The following ZFPM2 variants were observed in gnomAD, a reference collection of about 807,000 sequenced individuals.
The protein encoded by ZFPM2 is zinc finger protein, FOG family member 2, also known as zinc finger protein ZFPM2.
ZFPM2 carries 20 observed loss-of-function variants against 98.6 expected under a neutral mutation model. That is an observed-to-expected ratio of 0.20 (90% CI 0.14 to 0.29). The LOEUF (loss-of-function observed/expected upper bound fraction) is 0.29. Among genes scored for constraint, ZFPM2 ranks in the 10% least tolerant of loss-of-function variants. The pLI, the probability that ZFPM2 is intolerant of heterozygous loss-of-function variation, is 1.00. For synonymous variants in ZFPM2, 518 were observed against 502.7 expected, an observed-to-expected ratio of 1.03 and a Z score of -0.41; for missense variants, 1,310 against 1,388.6, an observed-to-expected ratio of 0.94 and a Z score of 0.90.
intron 1 of ZFPM2, among the ~76,000 whole-genome samples, chr8:105,347,191 A>G (rs1320103167): frequency 6.7e-6 from 1 of 148,386 alleles, no homozygotes; most frequent in Non-Finnish European, 1.5e-5. Context: ...GGCACTTTTT[A>G]TATACTTTTC....
At chr8:105,581,106 G>A (rs899613054) in intron 4 of ZFPM2, among the ~76,000 whole-genome samples, 29 of 151,846 alleles carry the variant, frequency 1.9e-4, no homozygotes, top group African/African-American at 6.8e-4. Context: ...ATCTCAGTAA[G>A]TAGCAATGGA....
In ZFPM2 at chr8:105,801,568, C is replaced by G; in HGVS notation, c.1486C>G (p.Pro496Ala). 3 of 1,613,816 alleles carry G rather than the reference C, an allele frequency of 1.9e-6. No homozygotes were observed. The highest frequency in any genetic ancestry group is 2.5e-6 in the Non-Finnish European group (3 of 1,179,834). ...PNIGPSFPVG[P>A]FLSQFSFPQD... ...TATTGGGCCTTCTTTCCCTGTGGGCCCTTTCCTATCTCAGTTTTCTTTCCC... is the reference window on the plus strand; with the variant it reads ...TATTGGGCCTTCTTTCCCTGTGGGCGCTTTCCTATCTCAGTTTTCTTTCCC... Residue 496 changes from proline to alanine, a missense_variant, in exon 8 of 8, where the codon CCT becomes GCT. Transcript: ENST00000407775.
intron 4 of ZFPM2, among the ~76,000 whole-genome samples, chr8:105,565,028 C>T (rs907178103): frequency 3.3e-5 from 5 of 152,100 alleles, no homozygotes; most frequent in Non-Finnish European, 5.9e-5. Context: ...ATTGCTTATT[C>T]GCCAACTGAT....
intron 5 of ZFPM2, among the ~76,000 whole-genome samples, chr8:105,757,884 A>G (rs890744890): frequency 1.6e-4 from 25 of 152,172 alleles, no homozygotes; most frequent in African/African-American, 5.3e-4. Context: ...CACTTTCCTC[A>G]TTGTTCAAAT....
chr8:105,686,335 G>C (rs200332230), intron 5 of ZFPM2, among the ~76,000 whole-genome samples: 1 of 151,548 alleles, frequency 6.6e-6, no homozygotes, highest in East Asian at 1.9e-4. Flanking sequence ...TTTTAATATC[G>C]TAATTTCCTT....
rs1420579507 is a variant in ZFPM2 at position 105,691,349 on chromosome 8, C to T, written c.532+56992C>T. Among the ~76,000 whole-genome samples the T allele has an allele frequency of 7.1e-5, 10 of 140,736 alleles. 2 individuals carry two copies. The highest frequency in any genetic ancestry group is 1.1e-4 in the Non-Finnish European group (7 of 65,452). The allele number at this position is 140,736 out of a possible 152,430, so 92.3% of individuals were successfully genotyped here. A position where few individuals can be genotyped will look rare whatever the true frequency, so the allele number is the denominator to read the frequency against. On this transcript the variant is annotated intron_variant, in intron 5 of 7. Coordinates refer to ENST00000407775, the MANE Select transcript of ZFPM2 (RefSeq NM_012082.4). ...CTGCAAGCTCCGCTTCCCGGGTTCA[C>T]GCCATTCTCCTGCCTCAGCCTCCCG...
intron 3 of ZFPM2, among the ~76,000 whole-genome samples, chr8:105,450,563 A>C (rs1812464751): frequency 6.6e-6 from 1 of 152,088 alleles, no homozygotes; most frequent in Admixed American, 6.6e-5. Context: ...GTTATCATTA[A>C]TTTTCACATT....
At chr8:105,471,382 G>T (rs1812900252) in intron 3 of ZFPM2, among the ~76,000 whole-genome samples, 2 of 152,180 alleles carry the variant, frequency 1.3e-5, no homozygotes, top group Non-Finnish European at 2.9e-5. Context: ...TGTCATGGTT[G>T]ACACTATTTC....
Position 105,421,678 on chromosome 8 carries a change from T to C in ZFPM2, c.199+2376T>C, listed in dbSNP as rs187965074. On this transcript the variant is annotated intron_variant, in intron 2 of 7. Transcript: ENST00000407775. The stretch of plus-strand genomic sequence containing the variant: ...CTGGAAAATTAGAAACTAATCTTTC[T>C]GTTGAAATTCTCAATTTTTCTCAGT... 6.6e-4 allele frequency among the ~76,000 whole-genome samples: 100 copies of C among 152,310 alleles called. 1 individual carries two copies. The East Asian group carries it at 0.018, about 27-fold the overall frequency.
chr8:105,320,191 A>G (rs1176797381), intron 1 of ZFPM2, among the ~76,000 whole-genome samples: 1 of 151,200 alleles, frequency 6.6e-6, no homozygotes, highest in African/African-American at 2.4e-5. Context: ...AATCTTATCA[A>G]TCAACTTGTC....
At chr8:105,603,282 A>C (rs1816130507) in intron 4 of ZFPM2, among the ~76,000 whole-genome samples, 1 of 152,092 alleles carries the variant, frequency 6.6e-6, no homozygotes, top group Non-Finnish European at 1.5e-5. Context: ...ATATAGGGAT[A>C]CTCAAATGTT....
At chr8:105,625,212 T>C (rs901775055) in intron 4 of ZFPM2, among the ~76,000 whole-genome samples, 12 of 152,214 alleles carry the variant, frequency 7.9e-5, no homozygotes, top group Admixed American at 5.9e-4. Context: ...CTTAATATCA[T>C]TGAGCTTCAG....
At chr8:105,775,406 G>T (rs1005837797) in intron 5 of ZFPM2, among the ~76,000 whole-genome samples, 1 of 152,024 alleles carries the variant, frequency 6.6e-6, no homozygotes, top group African/African-American at 2.4e-5. Flanking sequence ...CGTAATGAAA[G>T]TGTGGAATGC....
intron 4 of ZFPM2, among the ~76,000 whole-genome samples, chr8:105,607,727 C>CTT (rs1710829258): frequency 2.0e-5 from 3 of 152,096 alleles, no homozygotes; most frequent in African/African-American, 7.2e-5. Context: ...TGTTCACTCT[C>CTT]CTGTGTGTTC....
At chr8:105,707,920 G>T (rs760020867) in intron 5 of ZFPM2, among the ~76,000 whole-genome samples, 3 of 152,148 alleles carry the variant, frequency 2.0e-5, no homozygotes, top group African/African-American at 7.2e-5. Context: ...CTTTTTGAAA[G>T]AATAATCCCT....
chr8:105,798,633 A>G, intron 6 of ZFPM2, 91 bp from the exon 7 acceptor site: 1 of 1,065,442 alleles, frequency 9.4e-7, no homozygotes, highest in East Asian at 2.6e-5. Flanking sequence ...CTGAGAGCGG[A>G]GTCTGAGAAA....
chr8:105,645,674 G>T, intron 5 of ZFPM2, among the ~76,000 whole-genome samples: 1 of 152,114 alleles, frequency 6.6e-6, no homozygotes, highest in East Asian at 1.9e-4. Flanking sequence ...GCCAAAAACA[G>T]ATACTTTGAG....
chr8:105,481,661 C>T (rs1813119875), intron 3 of ZFPM2, among the ~76,000 whole-genome samples: 1 of 152,120 alleles, frequency 6.6e-6, no homozygotes, highest in Non-Finnish European at 1.5e-5. Context: ...AGTTGAGCAA[C>T]CACCAATGGG....
At chr8:105,464,340 A>C (rs958045172) in intron 3 of ZFPM2, among the ~76,000 whole-genome samples, 2 of 152,094 alleles carry the variant, frequency 1.3e-5, no homozygotes, top group African/African-American at 4.8e-5. Flanking sequence ...TCATTATTTT[A>C]ATAAAAACCT....
Sources: gnomAD v4.1 joint callset for allele counts (sites outside exome capture counted in the v4.1 genomes callset) on GRCh38, gnomAD v4.1.1 for gene constraint, MANE v1.5 for transcripts, NCBI Gene and HGNC (gene_info 2026-07-23, HGNC 2026-07-21) for gene names.